The following ACAP2 variants were observed in gnomAD, a reference collection of about 807,000 sequenced individuals.
ACAP2 encodes arf-GAP with coiled-coil, ANK repeat and PH domain-containing protein 2.
In ACAP2, 39 loss-of-function variants were observed where a neutral mutation model predicts 115.8. The observed-to-expected ratio is 0.34, with a 90% CI of 0.26 to 0.44. The LOEUF (loss-of-function observed/expected upper bound fraction) is 0.44. ACAP2 is among the 20% of genes least tolerant of loss of function. ACAP2 has a pLI of 1.00. For synonymous variants in ACAP2, 289 were observed against 315.8 expected (o/e 0.92, Z 0.90); for missense variants, 662 against 927.6 (o/e 0.71, Z 3.72).
chr3:195,388,521 TC>T (rs1187222843), intron 2 of ACAP2, among the ~76,000 whole-genome samples: 1 of 152,158 alleles, frequency 6.6e-6, no homozygotes, highest in Non-Finnish European at 1.5e-5. Context: ...GTTTAACCTG[TC>T]CCTGGCATGA....
At chr3:195,432,915 A>C (rs1715246553) in intron 1 of ACAP2, among the ~76,000 whole-genome samples, 1 of 151,988 alleles carries the variant, frequency 6.6e-6, no homozygotes, top group South Asian at 2.1e-4. Flanking sequence ...ACGCCACTAT[A>C]GACAGATTGG....
At chr3:195,422,445 G>C (rs1290543176) in intron 1 of ACAP2, among the ~76,000 whole-genome samples, 2 of 151,868 alleles carry the variant, frequency 1.3e-5, no homozygotes, top group African/African-American at 4.8e-5. Context: ...GTTCCATATT[G>C]TGACATGCTA....
intron 4 of ACAP2, among the ~76,000 whole-genome samples, chr3:195,351,313 C>T (rs1446516932): frequency 6.6e-6 from 1 of 151,966 alleles, no homozygotes; most frequent in African/African-American, 2.4e-5. Context: ...GACAGAGTTT[C>T]GCCATGTTGC....
Position 195,291,822 on chromosome 3 carries a change from G to C in ACAP2, c.1954-7C>G. 6.3e-7 allele frequency: 1 copy of C among 1,593,558 alleles called. No homozygotes were observed. Among genetic ancestry groups the C allele is most frequent in the African/African-American group, 1.4e-5 (1 of 73,520 alleles). ...CACACGTCACCAAAGAGCCCTTAAA[G>C]GAAAAAAGAGGATAACTATAGACAA... is the stretch of plus-strand genomic sequence containing the variant. On this transcript the variant is annotated splice_polypyrimidine_tract_variant and splice_region_variant and intron_variant, in intron 19 of 22. Coordinates refer to ENST00000326793, the MANE Select transcript of ACAP2 (RefSeq NM_012287.6).
At chr3:195,287,397 GTAAA>G (rs1052674121) in intron 21 of ACAP2, among the ~76,000 whole-genome samples, 6 of 143,118 alleles carry the variant, frequency 4.2e-5, no homozygotes, top group African/African-American at 1.3e-4. Context: ...AAGTATTCAC[GTAAA>G]TAATTTTTTT....
chr3:195,348,363 A>C (rs544857716), intron 4 of ACAP2, among the ~76,000 whole-genome samples: 25 of 152,156 alleles, frequency 1.6e-4, no homozygotes, highest in African/African-American at 6.0e-4. Flanking sequence ...AAAAGAAAAA[A>C]TGTGAAAAAC....
intron 7 of ACAP2, chr3:195,336,053 C>A (rs1730487187): frequency 6.6e-6 from 1 of 151,914 alleles, no homozygotes; most frequent in Non-Finnish European, 1.5e-5. Context: ...AGGCACCCGC[C>A]ACCACACCCA....
chr3:195,427,329 T>C (rs1457731362), intron 1 of ACAP2, among the ~76,000 whole-genome samples: 1 of 152,144 alleles, frequency 6.6e-6, no homozygotes, highest in Admixed American at 6.5e-5. Flanking sequence ...AACTGTAAAA[T>C]CATTTTGTGT....
At chr3:195,367,269 T>C (rs2108715980) in intron 4 of ACAP2, among the ~76,000 whole-genome samples, 1 of 152,290 alleles carries the variant, frequency 6.6e-6, no homozygotes, top group Admixed American at 6.5e-5. Context: ...AGTTCCCAGA[T>C]GGTGCTGATG....
intron 17 of ACAP2, chr3:195,295,360 A>G (rs929414224): frequency 4.6e-6 from 5 of 1,078,788 alleles, no homozygotes; most frequent in East Asian, 5.7e-5. Context: ...AAGGGCAGGA[A>G]AAAACGTTAC....
intron 4 of ACAP2, among the ~76,000 whole-genome samples, chr3:195,368,728 A>C (rs941869021): frequency 6.6e-6 from 1 of 152,176 alleles, no homozygotes; most frequent in African/African-American, 2.4e-5. Context: ...GGTGTTAATT[A>C]GCTAAAGTGT....
chr3:195,391,679 T>C lies in ACAP2; in HGVS notation c.111+411A>G, dbSNP rs116264274. 4.0e-3 allele frequency among the ~76,000 whole-genome samples: 607 copies of C among 152,210 alleles called. 5 individuals carry two copies. Among genetic ancestry groups the C allele is most frequent in the African/African-American group, 0.014 (585 of 41,506 alleles). On this transcript the variant is annotated intron_variant, in intron 2 of 22. Transcript: ENST00000326793. Reference sequence around the variant, plus strand: ...CTCATGTGTAAAACTGGGATAATAATAGCATTTACCCTCATAGAGATAAAA... The same window carrying C: ...CTCATGTGTAAAACTGGGATAATAACAGCATTTACCCTCATAGAGATAAAA...
chr3:195,352,422 T>C (rs1242585532), intron 4 of ACAP2, among the ~76,000 whole-genome samples: 4 of 152,240 alleles, frequency 2.6e-5, no homozygotes, highest in African/African-American at 9.6e-5. Context: ...AGAAATTAAA[T>C]ATTTCCTTAT....
intron 13 of ACAP2, among the ~76,000 whole-genome samples, chr3:195,303,410 T>G (rs985463078): frequency 7.4e-6 from 1 of 134,274 alleles, no homozygotes; most frequent in African/African-American, 2.8e-5. Context: ...CTCCATCATA[T>G]GTACATAAAT....
At chr3:195,309,423 G>A (rs1728618054) in intron 10 of ACAP2, among the ~76,000 whole-genome samples, 1 of 151,948 alleles carries the variant, frequency 6.6e-6, no homozygotes, top group African/African-American at 2.4e-5. Context: ...GCAGGTGCCT[G>A]TAATCCCAGC....
At chr3:195,372,547 A>G (rs933895038) in intron 4 of ACAP2, among the ~76,000 whole-genome samples, 21 of 152,102 alleles carry the variant, frequency 1.4e-4, no homozygotes, top group African/African-American at 4.6e-4. Context: ...AAAGCCAGAC[A>G]CAATAGCCCG....
intron 6 of ACAP2, among the ~76,000 whole-genome samples, chr3:195,338,013 G>T (rs947450018): frequency 6.7e-6 from 1 of 148,270 alleles, no homozygotes; most frequent in Admixed American, 6.9e-5. Context: ...CTGTGCACAC[G>T]CCATGATGTT....
In ACAP2 at chr3:195,424,297, T is replaced by C. The variant is rs1283415683; in HGVS notation, c.53+18498A>G. Reference sequence around the variant, plus strand: ...TATATATATATATTTTTTTTTTTTTTTTTTTTTTTTTTTTTGAAACAGAGT... The same window carrying C: ...TATATATATATATTTTTTTTTTTTTCTTTTTTTTTTTTTTTGAAACAGAGT... On this transcript the variant is annotated intron_variant, in intron 1 of 22. Transcript: ENST00000326793. Among the ~76,000 whole-genome samples, 30 of 82,826 alleles carry C rather than the reference T, an allele frequency of 3.6e-4. 1 individual carries two copies. Among genetic ancestry groups the C allele is most frequent in the African/African-American group, 1.2e-3 (29 of 24,406 alleles). The allele number at this position is 82,826 out of a possible 152,430, so 54.3% of individuals were successfully genotyped here.
chr3:195,385,215 C>T (rs1421150255), intron 2 of ACAP2, among the ~76,000 whole-genome samples: 2 of 150,626 alleles, frequency 1.3e-5, no homozygotes, highest in African/African-American at 2.4e-5. Context: ...GCATTTGAGA[C>T]CAGCCTGGTC....
Sources: gnomAD v4.1 joint callset for allele counts (sites outside exome capture counted in the v4.1 genomes callset) on GRCh38, gnomAD v4.1.1 for gene constraint, MANE v1.5 for transcripts, NCBI Gene and HGNC (gene_info 2026-07-23, HGNC 2026-07-21) for gene names.